The following EHBP1 variants were observed in gnomAD, a reference collection of about 807,000 sequenced individuals.
EHBP1 encodes EH domain binding protein 1.
Under a neutral mutation model 144.0 loss-of-function variants are expected in EHBP1, and 55 were observed. The ratio of observed to expected loss-of-function variants is 0.38; its 90% CI spans 0.31 to 0.48. EHBP1 has a LOEUF of 0.48. EHBP1 is among the 20% of genes least tolerant of loss of function. The pLI, the probability that EHBP1 is intolerant of heterozygous loss-of-function variation, is 0.98. For missense variants in EHBP1, 1,200 were observed against 1,364.2 expected (o/e 0.88, Z 1.90); for synonymous variants, 469 against 472.7 (o/e 0.99, Z 0.10).
At chr2:63,014,434 G>C (rs1417147103) in intron 19 of EHBP1, among the ~76,000 whole-genome samples, 1 of 152,096 alleles carries the variant, frequency 6.6e-6, no homozygotes, top group African/African-American at 2.4e-5. Flanking sequence ...TTACATACTT[G>C]TTTAGGGCAT....
rs549817878 is a variant in EHBP1, at chr2:62,913,782, G to T, written c.1186-28936G>T. 7.9e-5 allele frequency among the ~76,000 whole-genome samples: 12 copies of T among 152,240 alleles called. No homozygotes were observed. The South Asian group carries it at 2.1e-3, about 26-fold the overall frequency. On this transcript the variant is annotated intron_variant, in intron 10 of 22. Transcript: ENST00000431489. ...TTTTAAAGTAGAAACATTAAAAGTG[G>T]AGGCTTTTATGCCTCTTCTTTTCAT... is the stretch of plus-strand genomic sequence containing the variant.
chr2:62,845,187 T>C (rs184430024), intron 7 of EHBP1, among the ~76,000 whole-genome samples: 1 of 151,994 alleles, frequency 6.6e-6, no homozygotes, highest in Non-Finnish European at 1.5e-5. Flanking sequence ...ATAAGGGACA[T>C]GCACATTTAT....
intron 10 of EHBP1, among the ~76,000 whole-genome samples, chr2:62,895,499 C>T (rs1476328526): frequency 1.3e-5 from 2 of 152,144 alleles, no homozygotes; most frequent in African/African-American, 4.8e-5. Context: ...CCAGTGACTT[C>T]CTTTGATAGA....
At chr2:62,726,026 G>C (rs527680215) in intron 2 of EHBP1, among the ~76,000 whole-genome samples, 1 of 152,206 alleles carries the variant, frequency 6.6e-6, no homozygotes, top group Admixed American at 6.5e-5. Context: ...GGACACAGGG[G>C]TTGGGCTGGC....
At chr2:62,793,901 A>G (rs2043347654) in intron 5 of EHBP1, among the ~76,000 whole-genome samples, 1 of 152,106 alleles carries the variant, frequency 6.6e-6, no homozygotes, top group Non-Finnish European at 1.5e-5. Flanking sequence ...TTTATGTCAG[A>G]GGAACTATCT....
chr2:62,772,962 T>G (rs1453081612), intron 5 of EHBP1, among the ~76,000 whole-genome samples: 3 of 152,212 alleles, frequency 2.0e-5, no homozygotes, highest in African/African-American at 4.8e-5. Context: ...TATGAAGTTA[T>G]GAGATTTCAG....
intron 13 of EHBP1, among the ~76,000 whole-genome samples, chr2:62,954,796 C>G (rs919687465): frequency 7.2e-5 from 11 of 151,792 alleles, no homozygotes; most frequent in Non-Finnish European, 1.6e-4. Context: ...ACATCTAAAG[C>G]CAGAAGTTGG....
chr2:62,933,954 C>T (rs2056194245), intron 10 of EHBP1, among the ~76,000 whole-genome samples: 1 of 152,152 alleles, frequency 6.6e-6, no homozygotes, highest in Non-Finnish European at 1.5e-5. Context: ...GAATAGATCA[C>T]AATTTTTAAA....
chr2:62,731,631 A>G (rs2152034987), intron 2 of EHBP1, among the ~76,000 whole-genome samples: 1 of 152,266 alleles, frequency 6.6e-6, no homozygotes, highest in East Asian at 1.9e-4. Flanking sequence ...GATTTTGTCA[A>G]ATACTCCATC....
At chr2:62,697,476 A>G (rs72888913) in intron 1 of EHBP1, among the ~76,000 whole-genome samples, 2,581 of 152,312 alleles carry the variant, frequency 0.017, 71 homozygotes, top group African/African-American at 0.058. Flanking sequence ...TCCCCAGCAC[A>G]TTGTCTTTTA....
At chr2:62,950,932 G>A (rs2057342835) in intron 13 of EHBP1, among the ~76,000 whole-genome samples, 3 of 152,114 alleles carry the variant, frequency 2.0e-5, no homozygotes, top group South Asian at 4.2e-4. Context: ...TGATCCACCC[G>A]CCTTGGCCTC....
intron 19 of EHBP1, among the ~76,000 whole-genome samples, chr2:63,014,788 A>G (rs1457068197): frequency 1.3e-5 from 2 of 152,060 alleles, no homozygotes; most frequent in Non-Finnish European, 2.9e-5. Flanking sequence ...GACCAGCCTG[A>G]CCAACATGGA....
intron 3 of EHBP1, among the ~76,000 whole-genome samples, chr2:62,756,731 G>A (rs976173716): frequency 1.4e-5 from 2 of 139,640 alleles, no homozygotes; most frequent in East Asian, 2.1e-4. Context: ...TCGTGCCATT[G>A]CACTCCAGCC....
chr2:62,793,613 T>C (rs570807282), intron 5 of EHBP1, among the ~76,000 whole-genome samples: 1 of 152,198 alleles, frequency 6.6e-6, no homozygotes, highest in African/African-American at 2.4e-5. Flanking sequence ...GGGAACCACC[T>C]GGGATTGCTC....
At position 62,979,113 on chromosome 2, in the gene EHBP1, A is replaced by G. The variant is rs550401297; in HGVS notation, c.2461-75A>G. ...AGCACCATGCTGTAAACCAGTTACT[A>G]TCATGATGATCAGATTGAAAATGAA... On this transcript the variant is annotated intron_variant, in intron 14 of 22. Transcript: ENST00000431489. 1.6e-4 allele frequency: 242 copies of G among 1,480,380 alleles called. 4 individuals carry two copies. The South Asian group carries it at 3.1e-3, about 19-fold the overall frequency. 91.7% of individuals were successfully genotyped at this position (1,480,380 alleles called of 1,614,324 possible).
At chr2:62,815,374 C>T (rs958684052) in intron 5 of EHBP1, among the ~76,000 whole-genome samples, 2 of 152,204 alleles carry the variant, frequency 1.3e-5, no homozygotes, top group African/African-American at 4.8e-5. Context: ...CTAGCCCTCA[C>T]ATGGGTTTCA....
chr2:62,730,839 G>GAAACACACACACACACACACACACAC (rs2037482200), intron 2 of EHBP1, among the ~76,000 whole-genome samples: 1 of 6,682 alleles, frequency 1.5e-4, no homozygotes, highest in African/African-American at 7.0e-4. Flanking sequence ...GAAACAGAGA[G>GAAACACACACACACACACACACACAC]ACGGAGAGAG....
Position 62,993,895 on chromosome 2 carries a change from A to C in EHBP1, c.2897A>C (p.Gln966Pro). 1 of 1,594,708 alleles carries C rather than the reference A, an allele frequency of 6.3e-7. No homozygotes were observed. The highest frequency in any genetic ancestry group is 1.3e-5 in the African/African-American group (1 of 74,428). ...RPEMKRQRSIQEDTKKGNEEK... is the reference protein window; with the variant it reads ...RPEMKRQRSIPEDTKKGNEEK... ...GAGATGAAAAGGCAGAGATCAATAC[A>C]GGAAGATACAAAGAAAGGAAATGAG... is the stretch of plus-strand genomic sequence containing the variant. The change falls in exon 18 of 23, where the codon CAG becomes CCG. Residue 966 changes from glutamine to proline, a missense_variant. Physicochemically the swap from Gln to Pro is moderately conservative, Grantham distance 76. This residue lies in a region of EHBP1 where 543 missense variants were observed against 513.1 expected (regional missense o/e 1.06). Coordinates refer to ENST00000431489, the MANE Select transcript of EHBP1 (RefSeq NM_001142616.3).
intron 13 of EHBP1, among the ~76,000 whole-genome samples, chr2:62,953,133 C>G (rs868593836): frequency 1.5e-4 from 21 of 143,714 alleles, no homozygotes; most frequent in Admixed American, 9.0e-4. Flanking sequence ...AGGAGAATTG[C>G]TTGAACCCGG....
Sources: allele counts gnomAD v4.1 joint callset (sites outside exome capture counted in the v4.1 genomes callset), GRCh38; gene constraint gnomAD v4.1.1; regional missense constraint gnomAD v4.1.1; transcripts MANE v1.5; gene names NCBI Gene and HGNC (gene_info 2026-07-23, HGNC 2026-07-21).